ITGB2: variants seen among roughly 807,000 people sequenced by gnomAD.
The protein encoded by ITGB2 is integrin beta-2.
In ITGB2, 56 loss-of-function variants were observed where a neutral mutation model predicts 86.8. The observed-to-expected ratio is 0.65, with a 90% CI of 0.52 to 0.81. The LOEUF is 0.81. ITGB2 is among the 30% of genes least tolerant of loss of function. ITGB2 has a pLI of 0.00. For synonymous variants in ITGB2, 457 were observed against 450.4 expected, an observed-to-expected ratio of 1.01 and a Z score of -0.19; for missense variants, 948 against 1,061.2, an observed-to-expected ratio of 0.89 and a Z score of 1.48.
chr21:44,903,330 G>A (rs750077796), intron 5 of ITGB2, 35 bp downstream of exon 5: 4 of 1,613,282 alleles, frequency 2.5e-6, no homozygotes, highest in African/African-American at 1.3e-5. Flanking sequence ...GTCTGGGAAA[G>A]GACTGGGTTT....
At chr21:44,920,487 G>A (rs372601194) in intron 1 of ITGB2, among the ~76,000 whole-genome samples, 81 of 152,302 alleles carry the variant, frequency 5.3e-4, no homozygotes, top group Middle Eastern at 3.4e-3. Flanking sequence ...GCCCAGCCCG[G>A]AGCACCAGGA....
chr21:44,899,240 T>G, intron 7 of ITGB2, 78 bp from the exon 8 acceptor site: 1 of 1,087,518 alleles, frequency 9.2e-7, no homozygotes, highest in Non-Finnish European at 1.4e-6. Flanking sequence ...TCTGCCCCGC[T>G]CAGCGTCAGC....
upstream of ITGB2, among the ~76,000 whole-genome samples, chr21:44,923,883 C>T (rs902697737): frequency 3.3e-5 from 5 of 152,140 alleles, no homozygotes; most frequent in African/African-American, 9.6e-5. Flanking sequence ...AATAAAGAAA[C>T]GGAAAATACA....
chr21:44,913,887 T>G (rs3788150), intron 1 of ITGB2, among the ~76,000 whole-genome samples: 120,756 of 152,198 alleles, frequency 0.79, 48,371 homozygotes, highest in South Asian at 0.91. Flanking sequence ...GGCACAGATG[T>G]AGGGCAGCAT....
At position 44,907,068 on chromosome 21, in the gene ITGB2, A is replaced by G; in HGVS notation, c.175T>C (p.Ser59Pro). The stretch of plus-strand genomic sequence containing the variant: ...TGTGGCCGGGTGTCGCAGCGAATGG[A>G]GTCAGGATCCCCCGGCCCTGTGAAG... ...LNFTGPGDPD[S>P]IRCDTRPQLL... The change falls in exon 4 of 16, where the codon TCC becomes CCC. Residue 59 changes from serine to proline, a missense_variant. Physicochemically the swap from Ser to Pro is moderately conservative, Grantham distance 74 (BLOSUM62 -1). Coordinates refer to ENST00000652462, the MANE Select transcript of ITGB2 (RefSeq NM_000211.5). 6.2e-7 allele frequency: 1 copy of G among 1,608,666 alleles called. No individual in the cohort carries two copies. The highest frequency in any genetic ancestry group is 8.5e-7 in the Non-Finnish European group (1 of 1,176,046).
intron 3 of ITGB2, chr21:44,908,227 G>A (rs545041108): frequency 3.0e-6 from 2 of 671,522 alleles, no homozygotes; most frequent in African/African-American, 1.8e-5. Context: ...CTGACGGTAA[G>A]GAATGAGACA....
chr21:44,900,581 G>A, intron 6 of ITGB2, 106 bp from the exon 7 acceptor site: 3 of 1,406,356 alleles, frequency 2.1e-6, no homozygotes, highest in South Asian at 1.2e-5. Context: ...CCGGAGGCTG[G>A]TGTGGGTCCC....
rs991698411 is a variant in ITGB2 at position 44,891,104 on chromosome 21, G to T, written c.1412+705C>A. On this transcript the variant is annotated intron_variant, in intron 11 of 15. Transcript: ENST00000652462. ...GGAGGAGGTGACCAGAGCAAAGGGG[G>T]CAGAGTCCTGGGAGGTCAGCCTAGC... is the stretch of plus-strand genomic sequence containing the variant. Among the ~76,000 whole-genome samples the T allele has an allele frequency of 2.0e-5, 3 of 152,336 alleles. No individual in the cohort carries two copies. The East Asian group carries it at 5.8e-4, about 29-fold the overall frequency.
chr21:44,917,902 G>A (rs1025777245), intron 1 of ITGB2, among the ~76,000 whole-genome samples: 1 of 152,226 alleles, frequency 6.6e-6, no homozygotes, highest in Admixed American at 6.5e-5. Context: ...CCCGGGGTGG[G>A]CAGGGGCCTC....
Position 44,903,546 on chromosome 21 carries a change from G to A in ITGB2, c.329-11C>T. ...ACGCTGCTGCCTGGCCTGCCGGTGG[G>A]GACAGAACAAAAGGAGCCACACCTC... On this transcript the variant is annotated splice_polypyrimidine_tract_variant and intron_variant, in intron 4 of 15. Coordinates refer to ENST00000652462, the MANE Select transcript of ITGB2 (RefSeq NM_000211.5). The A allele has an allele frequency of 1.2e-6, 2 of 1,613,834 alleles. No homozygotes were observed. Among genetic ancestry groups the A allele is most frequent in the South Asian group, 2.2e-5 (2 of 91,030 alleles).
At chr21:44,921,085 A>T (rs2084297899), upstream of ITGB2, 1 of 152,232 alleles carries the variant, frequency 6.6e-6, no homozygotes, top group African/African-American at 2.4e-5. Context: ...TTCTCACATG[A>T]GGTCCCGGCG....
At chr21:44,915,782 G>A (rs537790696) in intron 1 of ITGB2, among the ~76,000 whole-genome samples, 6 of 152,290 alleles carry the variant, frequency 3.9e-5, no homozygotes, top group South Asian at 2.1e-4. Context: ...GGAACAAGTC[G>A]GAGCAGAGAG....
Position 44,901,506 on chromosome 21 carries a change from C to A in ITGB2, c.727G>T (p.Val243Phe), listed in dbSNP as rs1269462512. ...PEGGLDAMMQ[V>F]AACPEEIGWR... ...AGCGGCCTCACCGGGCAGGCGGCGA[C>A]CTGCATCATGGCGTCCAGCCCACCC... Residue 243 changes from valine to phenylalanine, a missense_variant, in exon 6 of 16, where the codon GTC becomes TTC. Transcript: ENST00000652462. 6.2e-7 allele frequency: 1 copy of A among 1,614,066 alleles called. No individual in the cohort carries two copies. Among genetic ancestry groups the A allele is most frequent in the Admixed American group, 1.7e-5 (1 of 60,008 alleles).
At chr21:44,910,845 A>G (rs1456948298) in intron 1 of ITGB2, 60 bp from the exon 2 acceptor site, 4 of 1,537,706 alleles carry the variant, frequency 2.6e-6, no homozygotes. Context: ...CTGACCACCC[A>G]TGAAGCTCCC....
intron 9 of ITGB2, chr21:44,894,527 A>G (rs2083835613): frequency 3.7e-6 from 1 of 268,442 alleles, no homozygotes; most frequent in African/African-American, 2.2e-5. Context: ...TTCAGGGGTT[A>G]AGGGCTTCTC....
chr21:44,897,969 C>T (rs532154700), intron 8 of ITGB2, among the ~76,000 whole-genome samples: 48 of 152,322 alleles, frequency 3.2e-4, no homozygotes, highest in African/African-American at 1.1e-3. Flanking sequence ...GCTGGCCACA[C>T]CCCACACATG....
rs1174404876 is a variant in ITGB2, at chr21:44,886,304, T to C, written c.*64A>G. ...CATCCTCAAGAGCTGTGGCAAGCCA[T>C]GTCTCGGCCGCGTGATGGGGCAGAC... On this transcript the variant is annotated 3_prime_UTR_variant, in exon 16 of 16. Coordinates refer to ENST00000652462, the MANE Select transcript of ITGB2 (RefSeq NM_000211.5). 7.2e-7 allele frequency: 1 copy of C among 1,381,804 alleles called. No individual in the cohort carries two copies. The highest frequency in any genetic ancestry group is 1.7e-5 in the Admixed American group (1 of 59,704). 85.6% of individuals were successfully genotyped at this position (1,381,804 alleles called of 1,614,324 possible). A position where few individuals can be genotyped will look rare whatever the true frequency, so the allele number is the denominator to read the frequency against.
Position 44,906,966 on chromosome 21 carries a change from C to T in ITGB2, c.277G>A (p.Gly93Arg), listed in dbSNP as rs750237213. Residue 93 changes from glycine (G) to arginine (R), a missense_variant, in exon 4 of 16, where the codon GGG becomes AGG. Coordinates refer to ENST00000652462, the MANE Select transcript of ITGB2 (RefSeq NM_000211.5). Reference protein sequence around the residue: ...SLAETQEDHNGGQKQLSPQKV... With the variant: ...SLAETQEDHNRGQKQLSPQKV... ...TGTGGGGACAGCTGCTTCTGGCCCC[C>T]ATTGTGGTCTTCCTGGGTTTCAGCG... 3 of 1,614,206 alleles carry T rather than the reference C, an allele frequency of 1.9e-6. No individual in the cohort carries two copies. Among genetic ancestry groups the T allele is most frequent in the South Asian group, 2.2e-5 (2 of 91,080 alleles).
intron 7 of ITGB2, among the ~76,000 whole-genome samples, 199 bp from the exon 8 acceptor site, chr21:44,899,361 C>T (rs539777483): frequency 1.1e-4 from 16 of 152,340 alleles, no homozygotes; most frequent in Admixed American, 3.3e-4. Context: ...TGCATAGACT[C>T]GGGCTTTCAG....
Sources: allele counts gnomAD v4.1 joint callset (sites outside exome capture counted in the v4.1 genomes callset), GRCh38; gene constraint gnomAD v4.1.1; transcripts MANE v1.5; gene names NCBI Gene and HGNC (gene_info 2026-07-23, HGNC 2026-07-21).